Variants in RANBP3L observed in about 807,000 individuals in gnomAD.
RANBP3L encodes the protein ran-binding protein 3-like.
RANBP3L carries 56 observed loss-of-function variants against 67.2 expected under a neutral mutation model. That is an observed-to-expected ratio of 0.83 (90% CI 0.67 to 1.04). RANBP3L has a LOEUF of 1.04. Ranked by LOEUF, RANBP3L falls within the 50% of genes least tolerant of loss-of-function variation. The pLI, the probability that RANBP3L is intolerant of heterozygous loss-of-function variation, is 0.00. For missense variants in RANBP3L, 496 were observed against 535.5 expected, an observed-to-expected ratio of 0.93 and a Z score of 0.73; for synonymous variants, 164 against 181.4, an observed-to-expected ratio of 0.90 and a Z score of 0.77.
intron 4 of RANBP3L, among the ~76,000 whole-genome samples, chr5:36,268,764 G>A (rs7715317): frequency 1.9e-4 from 29 of 151,640 alleles, no homozygotes; most frequent in African/African-American, 6.8e-4. Flanking sequence ...CCTGGAGTGC[G>A]GTGGAGCAAT....
At chr5:36,266,332 G>A (rs1310184268) in intron 4 of RANBP3L, among the ~76,000 whole-genome samples, 1 of 152,160 alleles carries the variant, frequency 6.6e-6, no homozygotes, top group Non-Finnish European at 1.5e-5. Context: ...GTGGCTCCGA[G>A]TATAGAATTT....
At chr5:36,277,418 C>CTATATATATA (rs1282657261) in intron 1 of RANBP3L, among the ~76,000 whole-genome samples, 1 of 75,400 alleles carries the variant, frequency 1.3e-5, no homozygotes, top group Non-Finnish European at 2.7e-5. Context: ...CTCTCTCTCT[C>CTATATATATA]TCTCTATATA....
intron 4 of RANBP3L, among the ~76,000 whole-genome samples, chr5:36,268,795 G>T (rs558940326): frequency 6.6e-6 from 1 of 150,478 alleles, no homozygotes; most frequent in Non-Finnish European, 1.5e-5. Context: ...TGCAGCCTCC[G>T]CCTCCCAGGT....
intron 1 of RANBP3L, among the ~76,000 whole-genome samples, chr5:36,284,348 T>C (rs953583584): frequency 2.0e-5 from 3 of 152,212 alleles, no homozygotes; most frequent in African/African-American, 7.2e-5. Context: ...TACAGGTATT[T>C]ACTGCATTTT....
chr5:36,268,359 A>G, intron 4 of RANBP3L: 1 of 724,132 alleles, frequency 1.4e-6, no homozygotes, highest in Non-Finnish European at 2.2e-6. Flanking sequence ...AAATTTCTGT[A>G]TCACTAATTT....
intron 10 of RANBP3L, 42 bp downstream of exon 10, chr5:36,256,899 T>A (rs763636044): frequency 5.1e-6 from 8 of 1,553,586 alleles, no homozygotes; most frequent in Non-Finnish European, 6.1e-6. Flanking sequence ...TTATTCCAAG[T>A]ATGTAAATGC....
chr5:36,269,065 A>G (rs1314607872), intron 4 of RANBP3L, among the ~76,000 whole-genome samples: 1 of 152,102 alleles, frequency 6.6e-6, no homozygotes, highest in Non-Finnish European at 1.5e-5. Flanking sequence ...TACAAGCTCA[A>G]TGCAGAAACT....
At chr5:36,290,054 T>C (rs1751606571) in intron 1 of RANBP3L, among the ~76,000 whole-genome samples, 1 of 152,194 alleles carries the variant, frequency 6.6e-6, no homozygotes, top group Non-Finnish European at 1.5e-5. Flanking sequence ...AGGAAGTTGC[T>C]CTATTCCAAA....
At position 36,280,185 on chromosome 5, in the gene RANBP3L, A is replaced by G. The variant is rs568875618; in HGVS notation, c.92-8874T>C. ...GACACTGAACAATTTTGAAAAACCA[A>G]GACATAGAGATAAGAAAATATCTAA... On this transcript the variant is annotated intron_variant, in intron 1 of 13. Coordinates refer to ENST00000296604, the MANE Select transcript of RANBP3L (RefSeq NM_145000.5). 8.5e-5 allele frequency among the ~76,000 whole-genome samples: 13 copies of G among 152,320 alleles called. No individual in the cohort carries two copies. The South Asian group carries it at 2.5e-3, about 29-fold the overall frequency.
intron 1 of RANBP3L, among the ~76,000 whole-genome samples, chr5:36,298,363 T>G (rs1246098082): frequency 1.3e-5 from 2 of 150,442 alleles, no homozygotes; most frequent in Non-Finnish European, 3.0e-5. Flanking sequence ...CCTACAGAAG[T>G]GTCGAATGTC....
intron 1 of RANBP3L, among the ~76,000 whole-genome samples, chr5:36,294,669 C>G (rs1259822628): frequency 3.3e-5 from 5 of 151,548 alleles, no homozygotes; most frequent in Non-Finnish European, 5.9e-5. Context: ...TTAATGTCCT[C>G]AGGTTCATCC....
chr5:36,294,666 C>G (rs1752058859), intron 1 of RANBP3L, among the ~76,000 whole-genome samples: 1 of 151,146 alleles, frequency 6.6e-6, no homozygotes, highest in South Asian at 2.1e-4. Flanking sequence ...AACTTAATGT[C>G]CTCAGGTTCA....
At chr5:36,262,631 A>G (rs900716302) in intron 6 of RANBP3L, among the ~76,000 whole-genome samples, 1 of 152,152 alleles carries the variant, frequency 6.6e-6, no homozygotes, top group African/African-American at 2.4e-5. Context: ...TATCTGATCT[A>G]GTATTTACAA....
chr5:36,265,964 C>T (rs925621079), intron 4 of RANBP3L, among the ~76,000 whole-genome samples: 2 of 120,648 alleles, frequency 1.7e-5, no homozygotes, highest in Admixed American at 1.1e-4. Context: ...GTGACAGGAG[C>T]GAGACTCCAT....
At chr5:36,277,566 T>C (rs1435662284) in intron 1 of RANBP3L, among the ~76,000 whole-genome samples, 3 of 151,892 alleles carry the variant, frequency 2.0e-5, no homozygotes, top group African/African-American at 7.3e-5. Flanking sequence ...AAGCAGAATA[T>C]CTATCTGTAT....
chr5:36,284,932 T>C (rs1751221130), intron 1 of RANBP3L, among the ~76,000 whole-genome samples: 1 of 152,206 alleles, frequency 6.6e-6, no homozygotes, highest in Non-Finnish European at 1.5e-5. Flanking sequence ...GGGCCAGCCA[T>C]CATCCAAGTC....
At position 36,251,330 on chromosome 5, in the gene RANBP3L, A is replaced by T. The variant is rs145254521; in HGVS notation, c.1337T>A (p.Val446Asp). 1,558 of 1,611,800 alleles carry T rather than the reference A, an allele frequency of 9.7e-4. 2 individuals are homozygous for T. Among genetic ancestry groups the T allele is most frequent in the Non-Finnish European group, 1.3e-3 (1,500 of 1,178,948 alleles). ...CTATTTACCTGATCCATTTTTAGTG[A>T]CTTGGATGAAATCATCCTCATTCTC... Reference protein sequence around the residue: ...CDENEDDFIQVTKNGSDPSSW... With the variant: ...CDENEDDFIQDTKNGSDPSSW... Residue 446 changes from valine to aspartate, a missense_variant, in exon 13 of 14, where the codon GTC (valine) becomes GAC (aspartate). By Grantham distance (152) the Val-to-Asp change is radical. Coordinates refer to ENST00000296604, the MANE Select transcript of RANBP3L (RefSeq NM_145000.5).
chr5:36,264,899 C>T, intron 6 of RANBP3L, 60 bp downstream of exon 6: 1 of 1,548,126 alleles, frequency 6.5e-7, no homozygotes, highest in South Asian at 1.2e-5. Context: ...GGGCCCCAAA[C>T]AACCTGCAAA....
In RANBP3L at chr5:36,262,006, A is replaced by C. The variant is rs1156693848; in HGVS notation, c.517T>G (p.Leu173Val). The C allele has an allele frequency of 1.2e-6, 2 of 1,605,580 alleles. No homozygotes were observed. The highest frequency in any genetic ancestry group is 1.7e-6 in the Non-Finnish European group (2 of 1,173,620). ...TGGACTGAAATTCTAGCCCTTGATA[A>C]ATTTTCACTTAACAAATAGGAATTT... ...EGNSYLLSEN[L>V]SRARISVQLS... The change falls in exon 7 of 14, where the codon TTA (leucine) becomes GTA (valine). Residue 173 changes from leucine to valine, a missense_variant. By Grantham distance (32) the Leu-to-Val change is conservative. Transcript: ENST00000296604.
Sources: gnomAD v4.1 joint callset for allele counts (sites outside exome capture counted in the v4.1 genomes callset) on GRCh38, gnomAD v4.1.1 for gene constraint, MANE v1.5 for transcripts, NCBI Gene and HGNC (gene_info 2026-07-23, HGNC 2026-07-21) for gene names.